PEPD: variants seen among roughly 807,000 people sequenced by gnomAD.
PEPD encodes peptidase D, also known as xaa-Pro dipeptidase.
Under a neutral mutation model 60.7 loss-of-function variants are expected in PEPD, and 53 were observed. The ratio of observed to expected loss-of-function variants is 0.87; its 90% CI spans 0.70 to 1.10. The LOEUF is 1.10. Ranked by LOEUF, PEPD falls within the 50% of genes least tolerant of loss-of-function variation. The pLI is 0.00. For synonymous variants in PEPD, 267 were observed against 284.1 expected (o/e 0.94, Z 0.60); for missense variants, 711 against 711.9 (o/e 1.00, Z 0.01).
chr19:33,401,288 A>G (rs1222170266), intron 12 of PEPD, among the ~76,000 whole-genome samples: 1 of 152,238 alleles, frequency 6.6e-6, no homozygotes. Flanking sequence ...ACAGATGTGG[A>G]AACGGCCACC....
At chr19:33,411,895 C>T in intron 10 of PEPD, 146 bp from the exon 11 acceptor site, 3 of 700,622 alleles carry the variant, frequency 4.3e-6, no homozygotes, top group Non-Finnish European at 7.8e-6. Context: ...AGGTCCACAG[C>T]CAGAGGTAAG....
Position 33,387,937 on chromosome 19 carries a change from A to C in PEPD, c.1297T>G (p.Ser433Ala). Reference protein sequence around the residue: ...DEALADPARASFLNREVLQRF... With the variant: ...DEALADPARAAFLNREVLQRF... ...TGCAGGACCTCGCGGTTAAGGAAGG[A>C]GGCGCGGGCCGGGTCCGCCAGGGCC... The change falls in exon 14 of 15, where the codon TCC becomes GCC. Residue 433 changes from serine (S) to alanine (A), a missense_variant. Coordinates refer to ENST00000244137, the MANE Select transcript of PEPD (RefSeq NM_000285.4). 3 of 1,597,150 alleles carry C rather than the reference A, an allele frequency of 1.9e-6. No homozygotes were observed. The highest frequency in any genetic ancestry group is 2.6e-6 in the Non-Finnish European group (3 of 1,172,650).
intron 11 of PEPD, among the ~76,000 whole-genome samples, chr19:33,403,987 G>A (rs1393762245): frequency 5.3e-5 from 8 of 152,308 alleles, no homozygotes; most frequent in South Asian, 2.1e-4. Flanking sequence ...CCGGGAAGGC[G>A]GGGCACATGG....
chr19:33,457,311 G>A (rs1445151179), intron 9 of PEPD, among the ~76,000 whole-genome samples: 1 of 152,112 alleles, frequency 6.6e-6, no homozygotes, highest in African/African-American at 2.4e-5. Context: ...AGCACCTGTG[G>A]TGCCAGTTAT....
At chr19:33,476,322 C>T (rs1970213700) in intron 7 of PEPD, among the ~76,000 whole-genome samples, 1 of 152,166 alleles carries the variant, frequency 6.6e-6, no homozygotes, top group South Asian at 2.1e-4. Context: ...ACCCCCAGCT[C>T]AGCCCTCTCT....
chr19:33,411,822 C>A, intron 10 of PEPD, 73 bp from the exon 11 acceptor site: 1 of 895,712 alleles, frequency 1.1e-6, no homozygotes, highest in South Asian at 1.4e-5. Flanking sequence ...GGTGGATGCT[C>A]GATCCCCTGC....
rs528311992 is a variant in PEPD at position 33,462,063 on chromosome 19, T to C, written c.671+932A>G. On this transcript the variant is annotated intron_variant, in intron 9 of 14. Coordinates refer to ENST00000244137, the MANE Select transcript of PEPD (RefSeq NM_000285.4). ...TCCAAGCAGCCCACTACGGGCCCCA[T>C]CCGACCTCGGCCCTGCACCCCACTG... Among the ~76,000 whole-genome samples the C allele has an allele frequency of 3.9e-5, 6 of 152,248 alleles. No homozygotes were observed. The South Asian group carries it at 1.2e-3, about 32-fold the overall frequency.
intron 11 of PEPD, among the ~76,000 whole-genome samples, chr19:33,403,142 G>C (rs1320385093): frequency 1.4e-4 from 21 of 152,304 alleles, no homozygotes; most frequent in Admixed American, 1.2e-3. Context: ...GGGGCGGAGG[G>C]GCGCAGGTGG....
intron 1 of PEPD, among the ~76,000 whole-genome samples, chr19:33,517,590 A>T (rs967687964): frequency 2.6e-5 from 4 of 151,622 alleles, no homozygotes; most frequent in Admixed American, 1.3e-4. Flanking sequence ...ACAAAAAAAA[A>T]CCTGATGCCG....
At chr19:33,432,142 C>T (rs1400694561) in intron 9 of PEPD, among the ~76,000 whole-genome samples, 1 of 152,156 alleles carries the variant, frequency 6.6e-6, no homozygotes, top group African/African-American at 2.4e-5. Context: ...AGCTCCTGAG[C>T]TGCTCCACTG....
intron 3 of PEPD, among the ~76,000 whole-genome samples, chr19:33,503,633 T>G (rs1029348295): frequency 6.6e-6 from 1 of 152,110 alleles, no homozygotes; most frequent in African/African-American, 2.4e-5. Context: ...CAAAAGCAGG[T>G]GTCAGAAATA....
chr19:33,398,556 G>T (rs1372884347), intron 12 of PEPD, among the ~76,000 whole-genome samples: 1 of 152,244 alleles, frequency 6.6e-6, no homozygotes, highest in Non-Finnish European at 1.5e-5. Flanking sequence ...CAGATACTAG[G>T]TGAATACACC....
rs1270924525 is a variant in PEPD, at chr19:33,512,778, T to C, written c.18-2A>G. 2.1e-5 allele frequency: 34 copies of C among 1,613,832 alleles called. No homozygotes were observed. The highest frequency in any genetic ancestry group is 2.7e-5 in the Non-Finnish European group (32 of 1,179,968). On this transcript the variant is annotated splice_acceptor_variant, in intron 1 of 14. Transcript: ENST00000244137. LOFTEE classifies it high-confidence loss of function. ...TCATTCCCCAGCCAAAACGAGGGTC[T>C]GCAGAGGCAAGAGCACACACCGCCA...
intron 9 of PEPD, among the ~76,000 whole-genome samples, chr19:33,420,865 T>C (rs1568462617): frequency 6.6e-6 from 1 of 152,166 alleles, no homozygotes; most frequent in Admixed American, 6.5e-5. Flanking sequence ...CTGGCCCCCC[T>C]CCTGGTCAGT....
At chr19:33,455,001 A>C (rs1468442804) in intron 9 of PEPD, among the ~76,000 whole-genome samples, 1 of 152,250 alleles carries the variant, frequency 6.6e-6, no homozygotes, top group Non-Finnish European at 1.5e-5. Flanking sequence ...GAAAGTGTCA[A>C]GGTCATCAAA....
Position 33,500,916 on chromosome 19 carries a change from AGAG to A in PEPD, c.393+19_393+21del, listed in dbSNP as rs773387929. ...GCATGCTGGAAGCCCTGGGCTGCTCAGAGGAGGAGCCGGCTACCCACCTCATCT... is the reference window on the plus strand; with the variant it reads ...GCATGCTGGAAGCCCTGGGCTGCTCAGAGGAGCCGGCTACCCACCTCATCT... On this transcript the variant is annotated intron_variant, in intron 4 of 14. Coordinates refer to ENST00000244137, the MANE Select transcript of PEPD (RefSeq NM_000285.4). 8 of 1,461,932 alleles carry A rather than the reference AGAG, an allele frequency of 5.5e-6. No homozygotes were observed. Among genetic ancestry groups the A allele is most frequent in the South Asian group, 2.3e-5 (2 of 88,084 alleles). 90.6% of individuals were successfully genotyped at this position (1,461,932 alleles called of 1,614,324 possible).
At chr19:33,457,074 G>A (rs183685997) in intron 9 of PEPD, among the ~76,000 whole-genome samples, 74 of 145,028 alleles carry the variant, frequency 5.1e-4, no homozygotes, top group Middle Eastern at 7.0e-3. Context: ...AGGACCATGT[G>A]GGCACAGGCA....
intron 9 of PEPD, among the ~76,000 whole-genome samples, chr19:33,454,327 C>T (rs1372207868): frequency 2.0e-5 from 3 of 152,066 alleles, no homozygotes; most frequent in Non-Finnish European, 2.9e-5. Context: ...AGAGGCCAGG[C>T]GCAGTGGCTC....
chr19:33,499,635 C>T (rs1383255486), intron 4 of PEPD, among the ~76,000 whole-genome samples: 1 of 152,184 alleles, frequency 6.6e-6, no homozygotes, highest in African/African-American at 2.4e-5. Context: ...ACAACTTGGT[C>T]CTGAGGGCTC....
Sources: allele counts gnomAD v4.1 joint callset (sites outside exome capture counted in the v4.1 genomes callset), GRCh38; gene constraint gnomAD v4.1.1; transcripts MANE v1.5; gene names NCBI Gene and HGNC (gene_info 2026-07-23, HGNC 2026-07-21).